APBA3: variants seen among roughly 807,000 people sequenced by gnomAD.
APBA3 encodes the protein amyloid beta precursor protein binding family A member 3, also known as amyloid-beta A4 precursor protein-binding family A member 3.
A neutral mutation model predicts 55.9 loss-of-function variants in APBA3; 45 were observed. The ratio of observed to expected loss-of-function variants is 0.80; its 90% CI spans 0.63 to 1.03. The LOEUF is 1.03. APBA3 is among the 50% of genes least tolerant of loss of function. The pLI is 0.00. For missense variants in APBA3, 865 were observed against 820.3 expected (o/e 1.05, Z -0.67); for synonymous variants, 370 against 353.3 (o/e 1.05, Z -0.53).
chr19:3,753,338 G>A (rs560246494), intron 6 of APBA3: 14 of 414,562 alleles, frequency 3.4e-5, no homozygotes, highest in African/African-American at 1.4e-4. Flanking sequence ...GGAGTCGGCC[G>A]AGAGTCTTGG....
chr19:3,754,411 C>T, intron 3 of APBA3, 71 bp from the exon 4 acceptor site: 1 of 1,502,760 alleles, frequency 6.7e-7, no homozygotes, highest in Non-Finnish European at 8.8e-7. Context: ...GGGCTACGCT[C>T]TCCGAGATGG....
intron 3 of APBA3, among the ~76,000 whole-genome samples, chr19:3,756,906 A>C (rs888646266): frequency 2.0e-5 from 3 of 152,136 alleles, no homozygotes; most frequent in Admixed American, 6.6e-5. Context: ...TATTCCCTCC[A>C]TGGTTCTAGA....
chr19:3,757,547 G>A (rs1375540171), intron 3 of APBA3, among the ~76,000 whole-genome samples: 1 of 152,132 alleles, frequency 6.6e-6, no homozygotes, highest in Admixed American at 6.5e-5. Context: ...GCCTGACCAA[G>A]ACGGTGAAAC....
intron 6 of APBA3, 47 bp downstream of exon 6, chr19:3,753,718 C>T: frequency 1.4e-6 from 2 of 1,444,928 alleles, no homozygotes; most frequent in Non-Finnish European, 9.1e-7. Context: ...GCGACAGTTG[C>T]AGTGAGGAGG....
At chr19:3,753,989 G>A (rs768868526) in intron 5 of APBA3, 30 bp downstream of exon 5, 35 of 1,592,534 alleles carry the variant, frequency 2.2e-5, no homozygotes, top group East Asian at 1.4e-4. Context: ...CACCCCACCC[G>A]CATCCCTGGG....
chr19:3,760,972 T>G (rs1198578646), intron 1 of APBA3, among the ~76,000 whole-genome samples: 1 of 152,070 alleles, frequency 6.6e-6, no homozygotes, highest in African/African-American at 2.4e-5. Flanking sequence ...GCCTATCCGG[T>G]GCTAGGCTCT....
rs750762177 is a variant in APBA3, at chr19:3,751,589, C to T, written c.1396-36G>A. The T allele has an allele frequency of 2.0e-5, 31 of 1,559,188 alleles. No individual in the cohort carries two copies. In the East Asian group the frequency reaches 3.5e-4, roughly 18 times the overall value. ...GGGGCCGTTGGCCTCACTCAGCTGC[C>T]GGACAGCCTGGCAGGTTGTAGCCCC... On this transcript the variant is annotated intron_variant, in intron 8 of 10. Coordinates refer to ENST00000316757, the MANE Select transcript of APBA3 (RefSeq NM_004886.4).
At chr19:3,757,357 T>A (rs2037090022) in intron 3 of APBA3, among the ~76,000 whole-genome samples, 1 of 152,152 alleles carries the variant, frequency 6.6e-6, no homozygotes, top group African/African-American at 2.4e-5. Flanking sequence ...TCCTCCCACA[T>A]CAGCCTTTCA....
In APBA3 at chr19:3,751,055, T is replaced by C; in HGVS notation, c.1699A>G (p.Thr567Ala). The C allele has an allele frequency of 6.4e-7, 1 of 1,565,638 alleles. No individual in the cohort carries two copies. Among genetic ancestry groups the C allele is most frequent in the Non-Finnish European group, 8.7e-7 (1 of 1,154,868 alleles). ...TMPAATYRLL[T>A]GQEQPVYL ...AGGTACACGGGCTGCTCCTGGCCTGTAAGGAGGCGATATGTGGCAGCTGGC... is the reference window on the plus strand; with the variant it reads ...AGGTACACGGGCTGCTCCTGGCCTGCAAGGAGGCGATATGTGGCAGCTGGC... The change falls in exon 11 of 11, where the codon ACA becomes GCA. Residue 567 changes from threonine to alanine, a missense_variant. Thr to Ala is a moderately conservative substitution (Grantham distance 58). Coordinates refer to ENST00000316757, the MANE Select transcript of APBA3 (RefSeq NM_004886.4).
Position 3,752,823 on chromosome 19 carries a change from C to T in APBA3, c.1179G>A (p.Arg393=), listed in dbSNP as rs752589995. The T allele has an allele frequency of 1.9e-6, 3 of 1,613,060 alleles. No homozygotes were observed. The highest frequency in any genetic ancestry group is 2.2e-5 in the South Asian group (2 of 91,056). The change falls in exon 7 of 11, where the codon CGG becomes CGA. Residue 393 remains arginine (R), a synonymous_variant. Transcript: ENST00000316757. ...LDHFSNSDNC[R]EVHLEKRRGE... is the part of the protein sequence containing the mutation. ...GGCTGCCCAGCACCTCACTCACCTC[C>T]CGGCAGTTGTCACTGTTGGAGAAGT...
chr19:3,752,929 C>T lies in APBA3; in HGVS notation c.1073G>A (p.Arg358Gln), dbSNP rs117197891. 7.0e-3 allele frequency: 11,216 copies of T among 1,613,426 alleles called. 70 individuals are homozygous for T. Among genetic ancestry groups the T allele is most frequent in the South Asian group, 0.011 (965 of 91,092 alleles). Residue 358 changes from arginine to glutamine, a missense_variant, in exon 7 of 11, where the codon CGG (arginine) becomes CAG (glutamine). By Grantham distance (43) the Arg-to-Gln change is conservative. Transcript: ENST00000316757. ...AFAAAYSQFL[R>Q]ESGIDPSQVG... Reference sequence around the variant, plus strand: ...CTGGCTGGGGTCAATACCGCTTTCCCGTAGGAACTGGCTGTAGGCGGCGGC... The same window carrying T: ...CTGGCTGGGGTCAATACCGCTTTCCTGTAGGAACTGGCTGTAGGCGGCGGC...
rs567699463 is a variant in APBA3 at position 3,760,318 on chromosome 19, C to G, written c.-37-17G>C. The G allele has an allele frequency of 4.4e-5, 66 of 1,499,718 alleles. No homozygotes were observed. The African/African-American group carries it at 7.7e-4, about 18-fold the overall frequency. The allele number at this position is 1,499,718 out of a possible 1,614,324, so 92.9% of individuals were successfully genotyped here. A position where few individuals can be genotyped will look rare whatever the true frequency, so the allele number is the denominator to read the frequency against. ...TTCAGGCAGCTGAAAGAGAGAGAGT[C>G]AGCACTGAGGTTTCGCCCGGGTGCA... On this transcript the variant is annotated splice_polypyrimidine_tract_variant and intron_variant, in intron 1 of 10. Transcript: ENST00000316757.
At position 3,751,241 on chromosome 19, in the gene APBA3, A is replaced by G. The variant is rs1415014709; in HGVS notation, c.1604T>C (p.Val535Ala). 3.2e-6 allele frequency: 5 copies of G among 1,547,568 alleles called. No individual in the cohort carries two copies. The South Asian group carries it at 4.8e-5, about 15-fold the overall frequency. The change falls in exon 10 of 11, where the codon GTG becomes GCG. Residue 535 changes from valine to alanine, a missense_variant. Coordinates refer to ENST00000316757, the MANE Select transcript of APBA3 (RefSeq NM_004886.4). ...RIIEINGQSV[V>A]ATPHARIIEL... The stretch of plus-strand genomic sequence containing the variant: ...GATGATGCGGGCGTGTGGCGTGGCC[A>G]CCACACTCTGCCCATTGATCTCAAT...
rs377190130 is a variant in APBA3, at chr19:3,752,995, G to A, written c.1012-5C>T. On this transcript the variant is annotated splice_polypyrimidine_tract_variant and splice_region_variant and intron_variant, in intron 6 of 10. Transcript: ENST00000316757. ...GGCCTGGGCGATGAGCTGGGCCTGCGGGGAGGAGTGGCGCGTCCCTGGGGT... is the reference window on the plus strand; with the variant it reads ...GGCCTGGGCGATGAGCTGGGCCTGCAGGGAGGAGTGGCGCGTCCCTGGGGT... 251 of 1,609,944 alleles carry A rather than the reference G, an allele frequency of 1.6e-4. 1 individual carries two copies. In the African/African-American group the frequency reaches 2.6e-3, roughly 17 times the overall value.
chr19:3,751,103 GA>G lies in APBA3; in HGVS notation c.1657-7del, dbSNP rs753738688. 1.9e-6 allele frequency: 3 copies of G among 1,566,514 alleles called. No individual in the cohort carries two copies. Among genetic ancestry groups the G allele is most frequent in the Non-Finnish European group, 2.6e-6 (3 of 1,155,276 alleles). Reference sequence around the variant, plus strand: ...GGCATCGTCTTGATATGCACCTGGGGAGTGGAGGCGGAACGGGGCTCAGGGC... The same window carrying G: ...GGCATCGTCTTGATATGCACCTGGGGGTGGAGGCGGAACGGGGCTCAGGGC... On this transcript the variant is annotated splice_region_variant and splice_polypyrimidine_tract_variant and intron_variant, in intron 10 of 10. Transcript: ENST00000316757.
In APBA3 at chr19:3,753,830, G is replaced by T; in HGVS notation, c.946C>A (p.Pro316Thr). Residue 316 changes from proline to threonine, a missense_variant, in exon 6 of 11, where the codon CCG (proline) becomes ACG (threonine). Pro to Thr is a conservative substitution (Grantham distance 38). Coordinates refer to ENST00000316757, the MANE Select transcript of APBA3 (RefSeq NM_004886.4). ...LMARRRLARRPAPQDHGRRLY... is the reference protein window; with the variant it reads ...LMARRRLARRTAPQDHGRRLY... Reference sequence around the variant, plus strand: ...CGGCGGCCGTGGTCCTGGGGTGCCGGCCTCCGTGCCAGCCGCCGCCGCGCC... The same window carrying T: ...CGGCGGCCGTGGTCCTGGGGTGCCGTCCTCCGTGCCAGCCGCCGCCGCGCC... 6.4e-7 allele frequency: 1 copy of T among 1,574,616 alleles called. No individual in the cohort carries two copies.
In APBA3 at chr19:3,752,530, G is replaced by T; in HGVS notation, c.1373C>A (p.Ala458Asp). ...CACGCGGACAGCGGCCTGGCACGCA[G>T]CCAGGGGCAGCCCCACCAGGCTGGT... ...NGTSLVGLPL[A>D]ACQAAVRETK... Residue 458 changes from alanine to aspartate, a missense_variant, in exon 8 of 11, where the codon GCT becomes GAT. Ala to Asp is a moderately radical substitution (Grantham distance 126). Transcript: ENST00000316757. The T allele has an allele frequency of 6.3e-7, 1 of 1,584,038 alleles. No individual in the cohort carries two copies.
chr19:3,759,457 C>A, intron 3 of APBA3, 104 bp downstream of exon 3: 3 of 1,211,636 alleles, frequency 2.5e-6, no homozygotes, highest in Non-Finnish European at 3.5e-6. Flanking sequence ...CAGAGGCTCC[C>A]GAGAACCTCG....
intron 8 of APBA3, 109 bp downstream of exon 8, chr19:3,752,399 C>T: frequency 9.2e-7 from 1 of 1,087,218 alleles, no homozygotes; most frequent in Non-Finnish European, 1.3e-6. Flanking sequence ...AAAAGTTCGA[C>T]TTTGTCCCTC....
Sources: allele counts gnomAD v4.1 joint callset (sites outside exome capture counted in the v4.1 genomes callset), GRCh38; gene constraint gnomAD v4.1.1; transcripts MANE v1.5; gene names NCBI Gene and HGNC (gene_info 2026-07-23, HGNC 2026-07-21).